The following NRXN1 variants were observed in gnomAD, a reference collection of about 807,000 sequenced individuals.
NRXN1 encodes the protein neurexin-1.
In NRXN1, 39 loss-of-function variants were observed where a neutral mutation model predicts 150.9. The observed-to-expected ratio is 0.26, with a 90% CI of 0.20 to 0.34. The LOEUF (loss-of-function observed/expected upper bound fraction) is 0.34. NRXN1 is among the 10% of genes least tolerant of loss of function. The pLI, the probability that NRXN1 is intolerant of heterozygous loss-of-function variation, is 1.00. For missense variants in NRXN1, 1,815 were observed against 1,949.9 expected (o/e 0.93, Z 1.30); for synonymous variants, 924 against 757.0 (o/e 1.22, Z -3.62).
chr2:50,942,907 G>GCC (rs1689702037), intron 2 of NRXN1, among the ~76,000 whole-genome samples: 1 of 152,170 alleles, frequency 6.6e-6, no homozygotes, highest in Non-Finnish European at 1.5e-5. Flanking sequence ...GCCAGGGATG[G>GCC]AATAACATGG....
chr2:50,043,332 T>G (rs1271377314), intron 21 of NRXN1, among the ~76,000 whole-genome samples: 1 of 152,198 alleles, frequency 6.6e-6, no homozygotes, highest in East Asian at 1.9e-4. Context: ...GGCACTTAAC[T>G]TTCCTGCAGT....
intron 21 of NRXN1, among the ~76,000 whole-genome samples, chr2:50,007,806 A>C (rs1685014423): frequency 6.6e-6 from 1 of 152,130 alleles, no homozygotes; most frequent in South Asian, 2.1e-4. Context: ...AGGAATCGCC[A>C]CACTGTCTTC....
At chr2:50,275,231 A>C (rs1574876129) in intron 17 of NRXN1, among the ~76,000 whole-genome samples, 1 of 152,198 alleles carries the variant, frequency 6.6e-6, no homozygotes, top group African/African-American at 2.4e-5. Context: ...ACAGTCACAG[A>C]ATAAACCAAG....
chr2:50,506,443 TGA>T (rs774880481), intron 13 of NRXN1, 50 bp downstream of exon 13: 457 of 1,547,510 alleles, frequency 3.0e-4, no homozygotes, highest in Admixed American at 7.1e-5. Context: ...CTGCAAGAAA[TGA>T]GAGTCAAAAG....
intron 2 of NRXN1, among the ~76,000 whole-genome samples, chr2:50,967,867 A>G (rs901382733): frequency 6.6e-6 from 1 of 151,954 alleles, no homozygotes; most frequent in African/African-American, 2.4e-5. Flanking sequence ...CTTATTTCAC[A>G]GTAGGCTAAA....
intron 5 of NRXN1, among the ~76,000 whole-genome samples, chr2:50,686,192 A>G (rs916189387): frequency 3.9e-5 from 6 of 152,248 alleles, no homozygotes; most frequent in Non-Finnish European, 5.9e-5. Context: ...TTTTTAATAT[A>G]TTTAAGTTGG....
chr2:50,937,031 G>A (rs964988087), intron 2 of NRXN1, among the ~76,000 whole-genome samples: 1 of 152,124 alleles, frequency 6.6e-6, no homozygotes, highest in African/African-American at 2.4e-5. Context: ...GACTTCTAGG[G>A]TCTGTTATCA....
In NRXN1 at chr2:50,632,212, C is replaced by T. The variant is rs1457948684; in HGVS notation, c.833-8597G>A. On this transcript the variant is annotated intron_variant, in intron 5 of 22. Transcript: ENST00000401669. The stretch of plus-strand genomic sequence containing the variant: ...TATTTAACCAAACCCCAAAGAATAG[C>T]CAATTGCTTCTTTCTCCCTAGAATC... The T allele has an allele frequency of 3.3e-5, 5 of 152,034 alleles. No individual in the cohort carries two copies. The South Asian group carries it at 8.3e-4, about 25-fold the overall frequency. 9.4% of individuals were successfully genotyped at this position (152,034 alleles called of 1,614,324 possible).
At chr2:50,372,112 G>A (rs1050010596) in intron 17 of NRXN1, among the ~76,000 whole-genome samples, 9 of 151,940 alleles carry the variant, frequency 5.9e-5, no homozygotes, top group Admixed American at 6.6e-5. Context: ...TTTCTTCTTC[G>A]GTCATAAGAG....
chr2:50,771,121 C>T (rs956548608), intron 5 of NRXN1, among the ~76,000 whole-genome samples: 1 of 151,976 alleles, frequency 6.6e-6, no homozygotes, highest in South Asian at 2.1e-4. Flanking sequence ...AAATAAAAAA[C>T]GGACTGCAGA....
At chr2:50,023,657 T>C (rs1687883510) in intron 21 of NRXN1, 1 of 152,194 alleles carries the variant, frequency 6.6e-6, no homozygotes, top group Admixed American at 6.5e-5. Context: ...AATGGGATAA[T>C]TGCCATAGCA....
intron 5 of NRXN1, among the ~76,000 whole-genome samples, chr2:50,671,235 A>G (rs1421014436): frequency 6.6e-6 from 1 of 151,818 alleles, no homozygotes; most frequent in Non-Finnish European, 1.5e-5. Flanking sequence ...CCAAGTTGCT[A>G]TAGAAACCAA....
intron 13 of NRXN1, 31 bp downstream of exon 13, chr2:50,506,464 T>C (rs200191106): frequency 9.4e-6 from 15 of 1,593,052 alleles, no homozygotes; most frequent in East Asian, 6.8e-5. Flanking sequence ...AGCGTTAGCA[T>C]AGGAAAAGAC....
intron 18 of NRXN1, among the ~76,000 whole-genome samples, chr2:50,174,470 T>C (rs1281918745): frequency 6.6e-6 from 1 of 152,166 alleles, no homozygotes; most frequent in Non-Finnish European, 1.5e-5. Flanking sequence ...AAAGCTGCTA[T>C]TAAAAACCAA....
At chr2:50,614,190 G>A (rs538140015) in intron 8 of NRXN1, among the ~76,000 whole-genome samples, 73 of 152,168 alleles carry the variant, frequency 4.8e-4, no homozygotes, top group Middle Eastern at 6.8e-3. Flanking sequence ...CCTCAACAAG[G>A]AAAAGTCTAG....
Position 50,347,034 on chromosome 2 carries a change from C to G in NRXN1, c.3365-110064G>C, listed in dbSNP as rs1273104105. ...GGAGAGGGCGCAGGGGAGCGGGCGGCGCGGAGTGGGCTGAGGGGCCGGCCG... is the reference window on the plus strand; with the variant it reads ...GGAGAGGGCGCAGGGGAGCGGGCGGGGCGGAGTGGGCTGAGGGGCCGGCCG... On this transcript the variant is annotated intron_variant, in intron 17 of 22. Coordinates refer to ENST00000401669, the MANE Select transcript of NRXN1 (RefSeq NM_001330078.2). The surrounding 1 kb of genome is among the most constrained non-coding windows in gnomAD (Gnocchi z 4.9). 24 of 1,369,654 alleles carry G rather than the reference C, an allele frequency of 1.8e-5. No individual in the cohort carries two copies. Among genetic ancestry groups the G allele is most frequent in the African/African-American group, 3.1e-5 (2 of 65,264 alleles). 84.8% of individuals were successfully genotyped at this position (1,369,654 alleles called of 1,614,324 possible).
rs2078155586 is a variant in NRXN1, at chr2:50,347,851, G to C, written c.3365-110881C>G. 8 of 985,516 alleles carry C rather than the reference G, an allele frequency of 8.1e-6. No individual in the cohort carries two copies. The highest frequency in any genetic ancestry group is 9.6e-6 in the Non-Finnish European group (8 of 830,004). 61.0% of individuals were successfully genotyped at this position (985,516 alleles called of 1,614,324 possible). The stretch of plus-strand genomic sequence containing the variant: ...CACTGAAGCTCGGATGCAATGCAGA[G>C]GACGAGCCTATGTAACGAGGGAGGC... On this transcript the variant is annotated intron_variant, in intron 17 of 22. Transcript: ENST00000401669. The surrounding 1 kb of genome is among the most constrained non-coding windows in gnomAD (Gnocchi z 4.9).
chr2:50,516,194 G>A (rs1046532257), intron 12 of NRXN1, among the ~76,000 whole-genome samples: 1 of 152,140 alleles, frequency 6.6e-6, no homozygotes, highest in Non-Finnish European at 1.5e-5. Flanking sequence ...GAGGCAGGAT[G>A]AGCCACATAA....
intron 8 of NRXN1, among the ~76,000 whole-genome samples, chr2:50,575,073 TGA>T (rs1260647807): frequency 3.9e-5 from 6 of 152,200 alleles, no homozygotes; most frequent in African/African-American, 1.4e-4. Flanking sequence ...TGGTTGCCAA[TGA>T]GGTGTTTTAA....
Sources: allele counts gnomAD v4.1 joint callset (sites outside exome capture counted in the v4.1 genomes callset), GRCh38; gene constraint gnomAD v4.1.1; non-coding constraint Gnocchi (gnomAD v3.1); transcripts MANE v1.5; gene names NCBI Gene and HGNC (gene_info 2026-07-23, HGNC 2026-07-21).